The following ADAMTS4 variants were observed in gnomAD, a reference collection of about 807,000 sequenced individuals.
The protein encoded by ADAMTS4 is ADAM metallopeptidase with thrombospondin type 1 motif 4, also known as A disintegrin and metalloproteinase with thrombospondin motifs 4.
A neutral mutation model predicts 66.7 loss-of-function variants in ADAMTS4; 38 were observed. That is an observed-to-expected ratio of 0.57 (90% CI 0.44 to 0.75). The LOEUF (loss-of-function observed/expected upper bound fraction) is 0.75, where lower values mean the gene tolerates loss of function less well. Ranked by LOEUF, ADAMTS4 falls within the 30% of genes least tolerant of loss-of-function variation. The pLI, the probability that ADAMTS4 is intolerant of heterozygous loss-of-function variation, is 0.00. For synonymous variants in ADAMTS4, 418 were observed against 461.5 expected (o/e 0.91, Z 1.21); for missense variants, 1,014 against 1,116.7 (o/e 0.91, Z 1.31).
chr1:161,193,292 G>A lies in ADAMTS4; in HGVS notation c.1832C>T (p.Thr611Ile), dbSNP rs1294599008. 2 of 1,613,998 alleles carry A rather than the reference G, an allele frequency of 1.2e-6. No homozygotes were observed. The highest frequency in any genetic ancestry group is 2.7e-5 in the African/African-American group (2 of 74,922). The change falls in exon 7 of 9, where the codon ACA (threonine) becomes ATA (isoleucine). Residue 611 changes from threonine (T) to isoleucine (I), a missense_variant. Transcript: ENST00000367996. The surrounding 1 kb of genome is among the most constrained non-coding windows in gnomAD (Gnocchi z 4.4). ...PGPMDWVPRY[T>I]GVAPQDQCKL... ...GCACTGGTCCTGGGGGGCCACGCCT[G>A]TGTAGCGAGGAACCCAGTCCATGGG...
Position 161,196,185 on chromosome 1 carries a change from G to C in ADAMTS4, c.1076C>G (p.Ala359Gly). 1 of 1,606,220 alleles carries C rather than the reference G, an allele frequency of 6.2e-7. No individual in the cohort carries two copies. The highest frequency in any genetic ancestry group is 8.5e-7 in the Non-Finnish European group (1 of 1,176,326). ...CCCTACTTTACCCAGTTCATGAGCA[G>C]CAGTGAAGGCTGACTGGAGCCCATC... ...EDDGLQSAFT[A>G]AHELGHVFNM... The change falls in exon 3 of 9, where the codon GCT becomes GGT. Residue 359 changes from alanine (A) to glycine (G), a missense_variant. Ala to Gly is a moderately conservative substitution (Grantham distance 60). Coordinates refer to ENST00000367996, the MANE Select transcript of ADAMTS4 (RefSeq NM_005099.6).
Position 161,191,014 on chromosome 1 carries a change from G to A in ADAMTS4, c.*124C>T. 8.8e-7 allele frequency: 1 copy of A among 1,140,510 alleles called. No homozygotes were observed. Among genetic ancestry groups the A allele is most frequent in the Non-Finnish European group, 1.2e-6 (1 of 823,192 alleles). The allele number at this position is 1,140,510 out of a possible 1,614,324, so 70.6% of individuals were successfully genotyped here. A position where few individuals can be genotyped will look rare whatever the true frequency, so the allele number is the denominator to read the frequency against. ...CTGCGCATTAGGGCAGAGAGGAGGG[G>A]CAGGTCTCACGCCCACAGCCCCTCC... On this transcript the variant is annotated 3_prime_UTR_variant, in exon 9 of 9. Coordinates refer to ENST00000367996, the MANE Select transcript of ADAMTS4 (RefSeq NM_005099.6).
Position 161,191,485 on chromosome 1 carries a change from G to T in ADAMTS4, c.2167C>A (p.Arg723=), listed in dbSNP as rs200203360. Residue 723 remains arginine, a synonymous_variant, in exon 9 of 9, where the codon CGG becomes AGG. Coordinates refer to ENST00000367996, the MANE Select transcript of ADAMTS4 (RefSeq NM_005099.6). The part of the protein sequence containing the change: ...LVRQQGNPGH[R]SIYLALKLPD... Reference sequence around the variant, plus strand: ...AGCTTCAGGGCCAAGTAGATGCTCCGGTGGCCAGGGTTTCCCTGCTGCCGG... The same window carrying T: ...AGCTTCAGGGCCAAGTAGATGCTCCTGTGGCCAGGGTTTCCCTGCTGCCGG... The T allele has an allele frequency of 1.9e-6, 3 of 1,614,118 alleles. No individual in the cohort carries two copies. In the East Asian group the frequency reaches 6.7e-5, roughly 36 times the overall value.
Position 161,198,287 on chromosome 1 carries a change from T to C in ADAMTS4, c.341A>G (p.Gln114Arg), listed in dbSNP as rs1664948472. Residue 114 changes from glutamine to arginine, a missense_variant, in exon 1 of 9, where the codon CAG becomes CGG. Coordinates refer to ENST00000367996, the MANE Select transcript of ADAMTS4 (RefSeq NM_005099.6). The surrounding 1 kb of genome is among the most constrained non-coding windows in gnomAD (Gnocchi z 4.7). The part of the protein sequence containing the change: ...VEGLTVQYLG[Q>R]APELLGGAEP... ...TGCTCCACCCAGCAGCTCAGGCGCC[T>C]GGCCCAGGTACTGCACTGTCAGCCC... 6.2e-7 allele frequency: 1 copy of C among 1,613,738 alleles called. No individual in the cohort carries two copies. Among genetic ancestry groups the C allele is most frequent in the Non-Finnish European group, 8.5e-7 (1 of 1,180,000 alleles).
rs945138842 is a variant in ADAMTS4, at chr1:161,191,501, C to T, written c.2151G>A (p.Gln717=). The T allele has an allele frequency of 3.1e-6, 5 of 1,613,942 alleles. No homozygotes were observed. The African/African-American group carries it at 5.3e-5, about 17-fold the overall frequency. The change falls in exon 9 of 9, where the codon CAG becomes CAA. Residue 717 remains glutamine, a synonymous_variant. Coordinates refer to ENST00000367996, the MANE Select transcript of ADAMTS4 (RefSeq NM_005099.6). Reference sequence around the variant, plus strand: ...AGATGCTCCGGTGGCCAGGGTTTCCCTGCTGCCGGACAAGAATGTGGGTGG... The same window carrying T: ...AGATGCTCCGGTGGCCAGGGTTTCCTTGCTGCCGGACAAGAATGTGGGTGG... ...AGATHILVRQ[Q]GNPGHRSIYL...
rs375859833 is a variant in ADAMTS4 at position 161,193,624 on chromosome 1, C to T, written c.1735+16G>A. 1 of 1,595,380 alleles carries T rather than the reference C, an allele frequency of 6.3e-7. No individual in the cohort carries two copies. Among genetic ancestry groups the T allele is most frequent in the Non-Finnish European group, 8.5e-7 (1 of 1,169,634 alleles). The stretch of plus-strand genomic sequence containing the variant: ...ACTGTCCCCTCCCAAGGGCTCCCAT[C>T]CCCCCTACTCCTCACCTGAGCCAGT... On this transcript the variant is annotated intron_variant, in intron 6 of 8. Transcript: ENST00000367996. This position sits in a 1 kb window ranked among gnomAD's most constrained non-coding sequence, Gnocchi z 4.4.
Position 161,196,645 on chromosome 1 carries a change from C to T in ADAMTS4, c.869G>A (p.Arg290His), listed in dbSNP as rs201261893. The T allele has an allele frequency of 4.3e-6, 7 of 1,614,008 alleles. No homozygotes were observed. The highest frequency in any genetic ancestry group is 2.7e-5 in the African/African-American group (2 of 74,924). ...GCCCCGCTGCCAGGCACAGAAGCTG[C>T]GCAGGGTCTGGGCAGCACTGGGCCC... The part of the protein sequence containing the change: ...QVGPSAAQTL[R>H]SFCAWQRGLN... The change falls in exon 2 of 9, where the codon CGC becomes CAC. Residue 290 changes from arginine to histidine, a missense_variant. By Grantham distance (29) the Arg-to-His change is conservative. Transcript: ENST00000367996.
rs1664996620 is a variant in ADAMTS4 at position 161,198,957 on chromosome 1, CTGTCTCTGCCTTCTTCCGCTGTGCCTT to C, written c.-357_-331del. On this transcript the variant is annotated 5_prime_UTR_variant, in exon 1 of 9. Transcript: ENST00000367996. This position sits in a 1 kb window ranked among gnomAD's most constrained non-coding sequence, Gnocchi z 4.7. Reference sequence around the variant, plus strand: ...TGTCTGGGCCGCTTCTGTGCCTGCCCTGTCTCTGCCTTCTTCCGCTGTGCCTTTGTCTCTGTCTCTTTCCTCCTCTGT... The same window carrying C: ...TGTCTGGGCCGCTTCTGTGCCTGCCCTGTCTCTGTCTCTTTCCTCCTCTGT... The C allele has an allele frequency of 3.5e-6, 1 of 289,710 alleles. No individual in the cohort carries two copies. The highest frequency in any genetic ancestry group is 6.4e-6 in the Non-Finnish European group (1 of 155,884). The allele number at this position is 289,710 out of a possible 1,614,324, so 17.9% of individuals were successfully genotyped here. A position where few individuals can be genotyped will look rare whatever the true frequency, so the allele number is the denominator to read the frequency against.
chr1:161,196,738 C>A lies in ADAMTS4; in HGVS notation c.776G>T (p.Arg259Leu), dbSNP rs1242506429. ...AGTCACCACCAAGCTGACAGGATTG[C>A]GGATGCTTGGGTGCTTGAAGGCCTT... ...AAKAFKHPSIRNPVSLVVTRL... is the reference protein window; with the variant it reads ...AAKAFKHPSILNPVSLVVTRL... The change falls in exon 2 of 9, where the codon CGC becomes CTC. Residue 259 changes from arginine (R) to leucine (L), a missense_variant. By Grantham distance (102) the Arg-to-Leu change is moderately radical (BLOSUM62 -2). Coordinates refer to ENST00000367996, the MANE Select transcript of ADAMTS4 (RefSeq NM_005099.6). 4 of 1,613,708 alleles carry A rather than the reference C, an allele frequency of 2.5e-6. No individual in the cohort carries two copies. Among genetic ancestry groups the A allele is most frequent in the Non-Finnish European group, 3.4e-6 (4 of 1,180,014 alleles).
Position 161,190,324 on chromosome 1 carries a change from CA to C in ADAMTS4, c.*813del, listed in dbSNP as rs1397688149. Reference sequence around the variant, plus strand: ...GCTGAAATCATTCCAGCCCTGGTGACAATAGCGAGACTCTGTCTCCAAACAA... The same window carrying C: ...GCTGAAATCATTCCAGCCCTGGTGACATAGCGAGACTCTGTCTCCAAACAA... On this transcript the variant is annotated 3_prime_UTR_variant, in exon 9 of 9. Transcript: ENST00000367996. 1 of 151,084 alleles carries C rather than the reference CA, an allele frequency of 6.6e-6. No individual in the cohort carries two copies. Among genetic ancestry groups the C allele is most frequent in the African/African-American group, 2.4e-5 (1 of 40,984 alleles). The allele number at this position is 151,084 out of a possible 1,614,324, so 9.4% of individuals were successfully genotyped here.
rs1664604257 is a variant in ADAMTS4, at chr1:161,189,160, C to T, written c.*1978G>A. ...TCAGGTAGTCATAGGGGTAACCTCT[C>T]ACATGGCCATGACTATAACCTTTAC... On this transcript the variant is annotated 3_prime_UTR_variant, in exon 9 of 9. Coordinates refer to ENST00000367996, the MANE Select transcript of ADAMTS4 (RefSeq NM_005099.6). 1.3e-5 allele frequency: 2 copies of T among 151,948 alleles called. No homozygotes were observed. The highest frequency in any genetic ancestry group is 4.2e-4 in the South Asian group (2 of 4,810). The allele number at this position is 151,948 out of a possible 1,614,324, so 9.4% of individuals were successfully genotyped here.
Position 161,193,979 on chromosome 1 carries a change from T to A in ADAMTS4, c.1504A>T (p.Met502Leu). 1 of 1,607,500 alleles carries A rather than the reference T, an allele frequency of 6.2e-7. No homozygotes were observed. The highest frequency in any genetic ancestry group is 8.5e-7 in the Non-Finnish European group (1 of 1,175,478). ...TCCATGTGGAGGCAGCGACCACCCA[T>A]GCAGGCCTGTGCGGGCCCGCAGGGT... ...GTPCGPAQAC[M>L]GGRCLHMDQL... The change falls in exon 5 of 9, where the codon ATG (methionine) becomes TTG (leucine). Residue 502 changes from methionine to leucine, a missense_variant. Coordinates refer to ENST00000367996, the MANE Select transcript of ADAMTS4 (RefSeq NM_005099.6). This position sits in a 1 kb window ranked among gnomAD's most constrained non-coding sequence, Gnocchi z 4.4.
In ADAMTS4 at chr1:161,191,565, C is replaced by T. The variant is rs1190817852; in HGVS notation, c.2088-1G>A. The stretch of plus-strand genomic sequence containing the variant: ...AGTGACCACATTGTTGTATCCGTAC[C>T]TGTGTGGAAGGAGTAGATGGGGAGC... On this transcript the variant is annotated splice_acceptor_variant, in intron 8 of 8. Coordinates refer to ENST00000367996, the MANE Select transcript of ADAMTS4 (RefSeq NM_005099.6). LOFTEE classifies it high-confidence loss of function. The T allele has an allele frequency of 1.2e-6, 2 of 1,603,528 alleles. No individual in the cohort carries two copies. The highest frequency in any genetic ancestry group is 1.7e-6 in the Non-Finnish European group (2 of 1,173,458).
chr1:161,196,811 C>T lies in ADAMTS4; in HGVS notation c.703G>A (p.Gly235Ser), dbSNP rs766240688. 10 of 1,611,024 alleles carry T rather than the reference C, an allele frequency of 6.2e-6. No individual in the cohort carries two copies. The highest frequency in any genetic ancestry group is 1.1e-5 in the South Asian group (1 of 91,086). ...VADDKMAAFH[G>S]AGLKRYLLTV... ...AGCAGGTAGCGCTTTAGCCCCGCAC[C>T]GTGGAATGCGGCCATCTTGTCATCT... Residue 235 changes from glycine to serine, a missense_variant, in exon 2 of 9, where the codon GGT becomes AGT. Physicochemically the swap from Gly to Ser is moderately conservative, Grantham distance 56. Transcript: ENST00000367996.
rs200980834 is a variant in ADAMTS4 at position 161,194,022 on chromosome 1, C to A, written c.1461G>T (p.Ser487=). 18 of 1,613,788 alleles carry A rather than the reference C, an allele frequency of 1.1e-5. No homozygotes were observed. The highest frequency in any genetic ancestry group is 1.5e-5 in the Non-Finnish European group (18 of 1,179,928). The change falls in exon 5 of 9, where the codon TCG becomes TCT. Residue 487 remains serine (S), a synonymous_variant. Coordinates refer to ENST00000367996, the MANE Select transcript of ADAMTS4 (RefSeq NM_005099.6). This position sits in a 1 kb window ranked among gnomAD's most constrained non-coding sequence, Gnocchi z 4.1. ...CGCAGGGTGTGCCATCGGCCCAGGG[C>A]GAGTGTTTGGTCTGGCACATGGCAT... ...NGHAMCQTKH[S]PWADGTPCGP...
rs1664927034 is a variant in ADAMTS4 at position 161,197,988 on chromosome 1, T to C, written c.633+7A>G. The C allele has an allele frequency of 6.5e-7, 1 of 1,549,996 alleles. No homozygotes were observed. Among genetic ancestry groups the C allele is most frequent in the East Asian group, 2.3e-5 (1 of 44,332 alleles). On this transcript the variant is annotated splice_region_variant and intron_variant, in intron 1 of 8. Coordinates refer to ENST00000367996, the MANE Select transcript of ADAMTS4 (RefSeq NM_005099.6). ...CACCGCAGGACACAGACTCCAGAGA[T>C]GCCTACCTTGGCTCTTCGGGGTCTG... is the stretch of plus-strand genomic sequence containing the variant.
chr1:161,192,282 G>A (rs916434984), intron 7 of ADAMTS4, 42 bp from the exon 8 acceptor site: 17 of 1,582,050 alleles, frequency 1.1e-5, no homozygotes, highest in African/African-American at 2.7e-5. Flanking sequence ...TTCCTCCTAA[G>A]TCAAAAGGGG....
At position 161,193,455 on chromosome 1, in the gene ADAMTS4, C is replaced by T; in HGVS notation, c.1736-67G>A. On this transcript the variant is annotated intron_variant, in intron 6 of 8. Coordinates refer to ENST00000367996, the MANE Select transcript of ADAMTS4 (RefSeq NM_005099.6). The surrounding 1 kb of genome is among the most constrained non-coding windows in gnomAD (Gnocchi z 4.4). ...CATCACCCCACATCCCTCCACCCAA[C>T]CCCTGAGAACTCTAGACAGCACAGC... The T allele has an allele frequency of 6.4e-7, 1 of 1,571,000 alleles. No homozygotes were observed. The highest frequency in any genetic ancestry group is 8.6e-7 in the Non-Finnish European group (1 of 1,156,176).
At position 161,191,299 on chromosome 1, in the gene ADAMTS4, C is replaced by T; in HGVS notation, c.2353G>A (p.Val785Ile). ...GPLAQPLTLQ[V>I]LVAGNPQDTR... is the part of the protein sequence containing the mutation. ...TCCTGGGGGTTGCCAGCCACTAGGA[C>T]TTGCAGTGTCAAAGGCTGGGCCAGT... The change falls in exon 9 of 9, where the codon GTC becomes ATC. Residue 785 changes from valine to isoleucine, a missense_variant. By Grantham distance (29) the Val-to-Ile change is conservative (BLOSUM62 3). Transcript: ENST00000367996. The T allele has an allele frequency of 1.2e-6, 2 of 1,613,968 alleles. No individual in the cohort carries two copies. Among genetic ancestry groups the T allele is most frequent in the African/African-American group, 2.7e-5 (2 of 75,060 alleles).
Sources: gnomAD v4.1 joint callset for allele counts on GRCh38, gnomAD v4.1.1 for gene constraint, Gnocchi (gnomAD v3.1) non-coding constraint, MANE v1.5 for transcripts, NCBI Gene and HGNC (gene_info 2026-07-23, HGNC 2026-07-21) for gene names.